ANKS1B: variants seen among roughly 807,000 people sequenced by gnomAD.
ANKS1B encodes the protein ankyrin repeat and sterile alpha motif domain-containing protein 1B.
ANKS1B carries 36 observed loss-of-function variants against 148.3 expected under a neutral mutation model. The ratio of observed to expected loss-of-function variants is 0.24; its 90% CI spans 0.19 to 0.32. ANKS1B has a LOEUF of 0.32. ANKS1B is among the 10% of genes least tolerant of loss of function. ANKS1B has a pLI of 1.00. For missense variants in ANKS1B, 1,157 were observed against 1,542.6 expected (o/e 0.75, Z 4.19); for synonymous variants, 542 against 560.8 (o/e 0.97, Z 0.47).
chr12:99,396,552 T>G (rs978202125), intron 12 of ANKS1B, among the ~76,000 whole-genome samples: 7 of 152,158 alleles, frequency 4.6e-5, no homozygotes, highest in Non-Finnish European at 1.0e-4. Context: ...AGGTTAGATT[T>G]CAGTTCTGTT....
At chr12:99,302,424 C>T (rs1300541440) in intron 12 of ANKS1B, among the ~76,000 whole-genome samples, 2 of 152,024 alleles carry the variant, frequency 1.3e-5, no homozygotes, top group Non-Finnish European at 2.9e-5. Flanking sequence ...TTTTATTTAG[C>T]TACTAATGTC....
At chr12:99,302,366 A>T (rs964026892) in intron 12 of ANKS1B, among the ~76,000 whole-genome samples, 1 of 152,164 alleles carries the variant, frequency 6.6e-6, no homozygotes, top group Non-Finnish European at 1.5e-5. Flanking sequence ...ACACAAAAGA[A>T]TGTATCCATT....
Position 99,275,259 on chromosome 12 carries a change from G to A in ANKS1B, c.1757-28395C>T, listed in dbSNP as rs553204638. Among the ~76,000 whole-genome samples the A allele has an allele frequency of 6.6e-5, 10 of 151,320 alleles. No individual in the cohort carries two copies. In the East Asian group the frequency reaches 7.7e-4, roughly 12 times the overall value. ...GTACGATAAATTAATGTTGACTATC[G>A]TCACCCTGTTGTGCTATCAAATACT... On this transcript the variant is annotated intron_variant, in intron 12 of 26. Coordinates refer to ENST00000683438, the MANE Select transcript of ANKS1B (RefSeq NM_001352186.2).
intron 22 of ANKS1B, among the ~76,000 whole-genome samples, chr12:98,787,702 C>T (rs967293045): frequency 6.6e-6 from 1 of 151,828 alleles, no homozygotes; most frequent in Non-Finnish European, 1.5e-5. Context: ...GGCGGATTGC[C>T]TGAGCTCAGG....
intron 11 of ANKS1B, among the ~76,000 whole-genome samples, chr12:99,409,860 T>A (rs898438560): frequency 6.6e-6 from 1 of 152,246 alleles, no homozygotes; most frequent in Non-Finnish European, 1.5e-5. Context: ...AAAAAGTGTT[T>A]TCACAAATTC....
intron 20 of ANKS1B, among the ~76,000 whole-genome samples, chr12:98,805,708 T>C (rs1375999429): frequency 2.0e-5 from 3 of 152,146 alleles, no homozygotes; most frequent in Admixed American, 6.5e-5. Flanking sequence ...AGGTGGTAAA[T>C]AGCTGCAAAT....
At chr12:99,528,238 G>C (rs1047086002) in intron 9 of ANKS1B, among the ~76,000 whole-genome samples, 5 of 151,838 alleles carry the variant, frequency 3.3e-5, no homozygotes, top group African/African-American at 9.7e-5. Flanking sequence ...AAGGATTAAA[G>C]ACTTAAATAT....
chr12:99,189,938 A>G (rs1205676512), intron 14 of ANKS1B, among the ~76,000 whole-genome samples: 1 of 152,078 alleles, frequency 6.6e-6, no homozygotes, highest in Non-Finnish European at 1.5e-5. Flanking sequence ...TATTTAGAAA[A>G]CCCCATCGTC....
intron 1 of ANKS1B, among the ~76,000 whole-genome samples, chr12:99,901,623 C>G (rs548057747): frequency 6.6e-5 from 10 of 152,288 alleles, no homozygotes; most frequent in East Asian, 1.9e-4. Context: ...ACCCCTCCCC[C>G]ATTCTCAGTC....
chr12:99,601,309 CTT>C (rs2097797803), intron 9 of ANKS1B, among the ~76,000 whole-genome samples: 2 of 151,982 alleles, frequency 1.3e-5, no homozygotes, highest in African/African-American at 4.8e-5. Context: ...ATTTTCACCT[CTT>C]TCTTACCAAT....
intron 24 of ANKS1B, among the ~76,000 whole-genome samples, chr12:98,773,738 G>A (rs1381934426): frequency 1.3e-5 from 2 of 152,212 alleles, no homozygotes; most frequent in African/African-American, 2.4e-5. Context: ...TTACAGGCGT[G>A]AGTCACCGCG....
intron 9 of ANKS1B, among the ~76,000 whole-genome samples, chr12:99,614,795 C>T (rs1006674318): frequency 3.3e-5 from 5 of 151,776 alleles, no homozygotes; most frequent in African/African-American, 9.7e-5. Flanking sequence ...TTTCATTATT[C>T]TTCCCATCTC....
At chr12:99,179,289 C>T (rs1204777714) in intron 14 of ANKS1B, among the ~76,000 whole-genome samples, 2 of 151,686 alleles carry the variant, frequency 1.3e-5, no homozygotes, top group East Asian at 1.9e-4. Context: ...ATTAGCCGGG[C>T]GTGGTGGCGG....
intron 16 of ANKS1B, among the ~76,000 whole-genome samples, chr12:99,080,778 C>G (rs1030830830): frequency 6.6e-6 from 1 of 152,140 alleles, no homozygotes; most frequent in Non-Finnish European, 1.5e-5. Flanking sequence ...AATAAGTAAT[C>G]AGGTAATATC....
At chr12:99,107,717 A>T (rs1648917081) in intron 15 of ANKS1B, among the ~76,000 whole-genome samples, 1 of 152,198 alleles carries the variant, frequency 6.6e-6, no homozygotes, top group South Asian at 2.1e-4. Context: ...ACACAGGCTC[A>T]CTTGTAGGTT....
At position 99,246,823 on chromosome 12, in the gene ANKS1B, A is replaced by G. The variant is rs372713023; in HGVS notation, c.1798T>C (p.Tyr600His). The G allele has an allele frequency of 6.8e-6, 11 of 1,608,188 alleles. No homozygotes were observed. In the Admixed American group the frequency reaches 8.5e-5, roughly 12 times the overall value. Residue 600 changes from tyrosine (Y) to histidine (H), a missense_variant, in exon 13 of 27, where the codon TAT becomes CAT. Around this residue, in one of 6 missense-constraint regions of ANKS1B, gnomAD observed 661 missense variants for 642.1 expected, o/e 1.03. Transcript: ENST00000683438. ...RQDDNDPPKE[Y>H]DPGQFAGLLH... ...AGGCCTGCAAATTGCCCAGGATCAT[A>G]TTCTTTTGGGGGATCATTGTCATCC...
At position 99,890,630 on chromosome 12, in the gene ANKS1B, CTT is replaced by C. The variant is rs1048416138; in HGVS notation, c.135-65243_135-65242del. On this transcript the variant is annotated intron_variant, in intron 1 of 26. Coordinates refer to ENST00000683438, the MANE Select transcript of ANKS1B (RefSeq NM_001352186.2). ...GTGTGTGTGTGTGTGTGTGTATTCT[CTT>C]GTTTCAATTTCTCCAGGGGACCCTA... is the stretch of plus-strand genomic sequence containing the variant. Among the ~76,000 whole-genome samples, 17 of 135,738 alleles carry C rather than the reference CTT, an allele frequency of 1.3e-4. 1 individual carries two copies. The Middle Eastern group carries it at 0.012, about 92-fold the overall frequency. The allele number at this position is 135,738 out of a possible 152,430, so 89.0% of individuals were successfully genotyped here. A position where few individuals can be genotyped will look rare whatever the true frequency, so the allele number is the denominator to read the frequency against.
At chr12:99,668,353 ATATTC>A (rs928251163) in intron 8 of ANKS1B, among the ~76,000 whole-genome samples, 1 of 150,792 alleles carries the variant, frequency 6.6e-6, no homozygotes, top group Admixed American at 6.6e-5. Flanking sequence ...TTGGCTGTTT[ATATTC>A]TATTTTACTG....
intron 17 of ANKS1B, among the ~76,000 whole-genome samples, chr12:98,968,899 G>A (rs183244257): frequency 6.6e-6 from 1 of 152,270 alleles, no homozygotes; most frequent in Admixed American, 6.5e-5. Context: ...TTTCATGAAA[G>A]CAGTGTTTGG....
Sources: allele counts gnomAD v4.1 joint callset (sites outside exome capture counted in the v4.1 genomes callset), GRCh38; gene constraint gnomAD v4.1.1; regional missense constraint gnomAD v4.1.1; transcripts MANE v1.5; gene names NCBI Gene and HGNC (gene_info 2026-07-23, HGNC 2026-07-21).